Variants in PRLR observed in about 807,000 individuals in gnomAD.
PRLR encodes the protein prolactin receptor, also known as hPRL receptor.
PRLR carries 13 observed loss-of-function variants against 40.2 expected under a neutral mutation model. The ratio of observed to expected loss-of-function variants is 0.32; its 90% CI spans 0.21 to 0.51. The LOEUF (loss-of-function observed/expected upper bound fraction) is 0.51. Among genes scored for constraint, PRLR ranks in the 20% least tolerant of loss-of-function variants. PRLR has a pLI of 0.97. For synonymous variants in PRLR, 269 were observed against 278.7 expected (o/e 0.97, Z 0.35); for missense variants, 656 against 747.3 (o/e 0.88, Z 1.42).
At chr5:35,130,156 T>G (rs946237715) in intron 1 of PRLR, 2 of 152,218 alleles carry the variant, frequency 1.3e-5, no homozygotes, top group Non-Finnish European at 2.9e-5. Flanking sequence ...CAGATTAATA[T>G]TTGCCCTGGG....
chr5:35,169,015 C>T (rs1774925517), intron 1 of PRLR, among the ~76,000 whole-genome samples: 1 of 152,152 alleles, frequency 6.6e-6, no homozygotes, highest in Non-Finnish European at 1.5e-5. Context: ...AAATACTTTT[C>T]TGAAGTGCTT....
rs528313344 is a variant in PRLR at position 35,061,753 on chromosome 5, G to A, written c.*3336C>T. Reference sequence around the variant, plus strand: ...ATGCGCCTTAAAACTTGAATATTTAGGTATTTGTTTATAAAAATACAACTT... The same window carrying A: ...ATGCGCCTTAAAACTTGAATATTTAAGTATTTGTTTATAAAAATACAACTT... On this transcript the variant is annotated 3_prime_UTR_variant, in exon 10 of 10. Transcript: ENST00000618457. The A allele has an allele frequency of 3.1e-4, 47 of 152,144 alleles. No homozygotes were observed. The highest frequency in any genetic ancestry group is 1.1e-3 in the African/African-American group (47 of 41,500). 9.4% of individuals were successfully genotyped at this position (152,144 alleles called of 1,614,324 possible).
chr5:35,193,669 T>C (rs1425332705), intron 1 of PRLR, among the ~76,000 whole-genome samples: 1 of 152,088 alleles, frequency 6.6e-6, no homozygotes, highest in Non-Finnish European at 1.5e-5. Context: ...TTAGGCTGGG[T>C]TCTCACATCA....
At chr5:35,156,849 C>T (rs1013392415) in intron 1 of PRLR, among the ~76,000 whole-genome samples, 1 of 152,098 alleles carries the variant, frequency 6.6e-6, no homozygotes, top group Non-Finnish European at 1.5e-5. Flanking sequence ...AGCCCACTTG[C>T]AAGACATGCA....
At chr5:35,227,152 G>A (rs976318650) in intron 1 of PRLR, among the ~76,000 whole-genome samples, 15 of 152,204 alleles carry the variant, frequency 9.9e-5, no homozygotes, top group African/African-American at 3.6e-4. Flanking sequence ...TCCTCCCATA[G>A]GTGATCTTGT....
intron 1 of PRLR, among the ~76,000 whole-genome samples, chr5:35,220,347 ACTTTTG>A (rs1260361949): frequency 6.6e-6 from 1 of 151,778 alleles, no homozygotes; most frequent in East Asian, 1.9e-4. Context: ...CAGTCTTAGG[ACTTTTG>A]CTGTTGTTCT....
intron 1 of PRLR, among the ~76,000 whole-genome samples, chr5:35,119,067 T>G (rs1773180875): frequency 1.3e-5 from 2 of 152,154 alleles, no homozygotes; most frequent in South Asian, 4.2e-4. Flanking sequence ...AGTGCTGGGA[T>G]TATAGGTGTG....
chr5:35,123,321 C>T (rs1773351527), intron 1 of PRLR, among the ~76,000 whole-genome samples: 1 of 152,140 alleles, frequency 6.6e-6, no homozygotes, highest in African/African-American at 2.4e-5. Context: ...CACTTTAATG[C>T]TTTATTTCAT....
At chr5:35,169,014 TCTGAAGTGCTTAA>T (rs1262216003) in intron 1 of PRLR, among the ~76,000 whole-genome samples, 1 of 152,192 alleles carries the variant, frequency 6.6e-6, no homozygotes, top group African/African-American at 2.4e-5. Context: ...GAAATACTTT[TCTGAAGTGCTTAA>T]CTGAGAATCA....
chr5:35,172,655 T>C (rs1211972240), intron 1 of PRLR, among the ~76,000 whole-genome samples: 2 of 152,232 alleles, frequency 1.3e-5, no homozygotes, highest in Non-Finnish European at 2.9e-5. Flanking sequence ...CAGTTTGTCC[T>C]GTTTCCTGTA....
intron 1 of PRLR, among the ~76,000 whole-genome samples, chr5:35,211,657 T>C (rs1045064442): frequency 2.0e-4 from 30 of 152,206 alleles, no homozygotes; most frequent in Admixed American, 5.9e-4. Context: ...TGCTTATTGA[T>C]GTTATTCACA....
chr5:35,123,218 C>T (rs1215252870), intron 1 of PRLR, among the ~76,000 whole-genome samples: 1 of 152,172 alleles, frequency 6.6e-6, no homozygotes, highest in African/African-American at 2.4e-5. Context: ...AGACTCCTGA[C>T]AGCATCAGCA....
At chr5:35,078,786 G>A (rs1159054918) in intron 5 of PRLR, among the ~76,000 whole-genome samples, 1 of 152,184 alleles carries the variant, frequency 6.6e-6, no homozygotes, top group Non-Finnish European at 1.5e-5. Flanking sequence ...TATCCCTGAT[G>A]AACATTGATG....
rs545017463 is a variant in PRLR, at chr5:35,083,210, C to T, written c.373+1260G>A. 2.0e-5 allele frequency among the ~76,000 whole-genome samples: 3 copies of T among 152,214 alleles called. No homozygotes were observed. In the East Asian group the frequency reaches 5.8e-4, roughly 29 times the overall value. ...ATGGCCCCTCAGCGCAACTGAGGTA[C>T]AACAACCATGGGGCTCTCCAGAACA... On this transcript the variant is annotated intron_variant, in intron 5 of 9. Transcript: ENST00000618457.
chr5:35,113,743 C>A (rs1248159451), intron 2 of PRLR, among the ~76,000 whole-genome samples: 4 of 152,240 alleles, frequency 2.6e-5, no homozygotes, highest in Non-Finnish European at 5.9e-5. Flanking sequence ...AGGACCCCTG[C>A]AGGTACCATG....
intron 1 of PRLR, among the ~76,000 whole-genome samples, chr5:35,147,388 A>C (rs576506482): frequency 3.8e-4 from 58 of 152,324 alleles, no homozygotes; most frequent in African/African-American, 1.3e-3. Context: ...CTCAAGAATT[A>C]TAAAAACACA....
intron 1 of PRLR, among the ~76,000 whole-genome samples, chr5:35,148,126 T>C (rs1774237604): frequency 6.6e-6 from 1 of 152,168 alleles, no homozygotes; most frequent in Admixed American, 6.5e-5. Flanking sequence ...GTTGGATAAT[T>C]TTGCAATCTA....
In PRLR at chr5:35,183,264, A is replaced by G. The variant is rs139730717; in HGVS notation, c.-106+47004T>C. On this transcript the variant is annotated intron_variant, in intron 1 of 9. Coordinates refer to ENST00000618457, the MANE Select transcript of PRLR (RefSeq NM_000949.7). ...GGAAGAATCTCCTTCTCCTGCTTTC[A>G]TATGACAGTCCATTAAAGAACAGAC... 2.3e-3 allele frequency among the ~76,000 whole-genome samples: 355 copies of G among 152,340 alleles called. 1 individual carries two copies. Among genetic ancestry groups the G allele is most frequent in the African/African-American group, 8.2e-3 (340 of 41,580 alleles).
At chr5:35,141,629 A>G (rs964369057) in intron 1 of PRLR, among the ~76,000 whole-genome samples, 5 of 152,244 alleles carry the variant, frequency 3.3e-5, no homozygotes, top group Non-Finnish European at 4.4e-5. Flanking sequence ...TATCAACTTC[A>G]GGTGTGTCTA....
Sources: gnomAD v4.1 joint callset for allele counts (sites outside exome capture counted in the v4.1 genomes callset) on GRCh38, gnomAD v4.1.1 for gene constraint, MANE v1.5 for transcripts, NCBI Gene and HGNC (gene_info 2026-07-23, HGNC 2026-07-21) for gene names.